The following PLEKHA5 variants were observed in gnomAD, a reference collection of about 807,000 sequenced individuals.
PLEKHA5 encodes the protein pleckstrin homology domain-containing family A member 5.
In PLEKHA5, 55 loss-of-function variants were observed where a neutral mutation model predicts 181.9. The ratio of observed to expected loss-of-function variants is 0.30; its 90% CI spans 0.24 to 0.38. The LOEUF is 0.38. PLEKHA5 is among the 10% of genes least tolerant of loss of function. PLEKHA5 has a pLI of 1.00. For missense variants in PLEKHA5, 1,432 were observed against 1,549.5 expected (o/e 0.92, Z 1.27); for synonymous variants, 535 against 529.4 (o/e 1.01, Z -0.15).
chr12:19,211,272 C>T (rs1565471258), intron 3 of PLEKHA5, among the ~76,000 whole-genome samples: 3 of 152,080 alleles, frequency 2.0e-5, no homozygotes, highest in Admixed American at 6.5e-5. Flanking sequence ...GATCCCAGAA[C>T]CTGTGAAGGC....
chr12:19,323,992 T>C (rs1350609463), intron 20 of PLEKHA5, among the ~76,000 whole-genome samples: 1 of 152,172 alleles, frequency 6.6e-6, no homozygotes, highest in Non-Finnish European at 1.5e-5. Flanking sequence ...GTCATCTCTA[T>C]AAACATAGTA....
At chr12:19,222,752 G>A (rs1393559625) in intron 3 of PLEKHA5, among the ~76,000 whole-genome samples, 1 of 152,036 alleles carries the variant, frequency 6.6e-6, no homozygotes, top group Non-Finnish European at 1.5e-5. Context: ...TTGAGAGCTG[G>A]GCAGATGCTG....
intron 31 of PLEKHA5, chr12:19,371,225 T>G (rs1351892328): frequency 6.6e-6 from 1 of 152,472 alleles, no homozygotes; most frequent in Non-Finnish European, 1.5e-5. Flanking sequence ...CAGGCTGATC[T>G]CAAGCTCCTG....
At chr12:19,340,004 A>G (rs1185901809) in intron 21 of PLEKHA5, among the ~76,000 whole-genome samples, 2 of 152,166 alleles carry the variant, frequency 1.3e-5, no homozygotes, top group African/African-American at 2.4e-5. Flanking sequence ...GTTTAGCAGC[A>G]GGCCATGAAT....
chr12:19,143,509 CAGAG>C (rs1213378567), intron 3 of PLEKHA5, among the ~76,000 whole-genome samples: 1 of 151,960 alleles, frequency 6.6e-6, no homozygotes, highest in Non-Finnish European at 1.5e-5. Context: ...TCCTGTTGTG[CAGAG>C]AGAATTTCTA....
intron 3 of PLEKHA5, among the ~76,000 whole-genome samples, chr12:19,185,088 A>G (rs146534932): frequency 6.6e-6 from 1 of 151,460 alleles, no homozygotes; most frequent in Non-Finnish European, 1.5e-5. Flanking sequence ...CTTCTTCTCT[A>G]TACCTTTTTT....
At chr12:19,150,996 T>TA (rs1175908947) in intron 3 of PLEKHA5, 2 of 152,248 alleles carry the variant, frequency 1.3e-5, no homozygotes, top group Admixed American at 1.3e-4. Flanking sequence ...TAAACATGTA[T>TA]ACTGCAAGGT....
intron 3 of PLEKHA5, among the ~76,000 whole-genome samples, chr12:19,217,214 A>G (rs1327271992): frequency 2.6e-5 from 4 of 152,198 alleles, no homozygotes; most frequent in African/African-American, 4.8e-5. Context: ...TGTGCTCCAT[A>G]AACACCTACT....
At chr12:19,296,498 A>G (rs1380206221) in intron 15 of PLEKHA5, among the ~76,000 whole-genome samples, 1 of 151,978 alleles carries the variant, frequency 6.6e-6, no homozygotes, top group Non-Finnish European at 1.5e-5. Context: ...CAGTGAGCCA[A>G]GATCATGCCC....
chr12:19,353,742 A>G, intron 25 of PLEKHA5, 142 bp from the exon 26 acceptor site: 2 of 570,592 alleles, frequency 3.5e-6, no homozygotes, highest in East Asian at 6.2e-5. Context: ...TACAGGCGTG[A>G]GCCACCGCGC....
At chr12:19,181,323 CT>C (rs2048520211) in intron 3 of PLEKHA5, among the ~76,000 whole-genome samples, 1 of 152,116 alleles carries the variant, frequency 6.6e-6, no homozygotes, top group South Asian at 2.1e-4. Flanking sequence ...AATGTGTTAT[CT>C]TTTAAAGTTT....
intron 3 of PLEKHA5, among the ~76,000 whole-genome samples, chr12:19,164,207 T>G (rs920607941): frequency 1.3e-4 from 19 of 147,608 alleles, no homozygotes; most frequent in African/African-American, 4.2e-4. Flanking sequence ...GTTTTTTTTT[T>G]TTTTTTTTTG....
intron 3 of PLEKHA5, among the ~76,000 whole-genome samples, chr12:19,184,133 T>A (rs993586287): frequency 3.3e-5 from 5 of 152,236 alleles, no homozygotes; most frequent in Non-Finnish European, 1.5e-5. Context: ...CTATTATTAT[T>A]ATTTTAAAAG....
chr12:19,264,629 T>G (rs1473160718), intron 7 of PLEKHA5, among the ~76,000 whole-genome samples: 1 of 152,146 alleles, frequency 6.6e-6, no homozygotes, highest in Non-Finnish European at 1.5e-5. Flanking sequence ...GAGCACAGAA[T>G]AGTAAAAACA....
chr12:19,355,344 CTTTTTTTTTTT>C (rs756942658), intron 26 of PLEKHA5, among the ~76,000 whole-genome samples: 1 of 94,020 alleles, frequency 1.1e-5, no homozygotes, highest in Non-Finnish European at 2.2e-5. Flanking sequence ...TATGGCTAGT[CTTTTTTTTTTT>C]TTTTTTTTTT....
chr12:19,372,120 C>G (rs904176443), intron 31 of PLEKHA5: 3 of 152,306 alleles, frequency 2.0e-5, no homozygotes, highest in African/African-American at 7.2e-5. Context: ...CCTGCCTCAG[C>G]CTCCCCCGTA....
chr12:19,297,161 T>G (rs984183565), intron 15 of PLEKHA5, among the ~76,000 whole-genome samples: 1 of 152,126 alleles, frequency 6.6e-6, no homozygotes, highest in African/African-American at 2.4e-5. Flanking sequence ...GCATGCTCCC[T>G]ACTGTGGGTA....
intron 15 of PLEKHA5, among the ~76,000 whole-genome samples, chr12:19,299,403 A>C (rs778038851): frequency 2.6e-4 from 40 of 152,250 alleles, no homozygotes; most frequent in Non-Finnish European, 5.3e-4. Context: ...ATTACCATTT[A>C]GTCAGCAAAT....
intron 3 of PLEKHA5, among the ~76,000 whole-genome samples, chr12:19,240,688 C>G (rs543458183): frequency 1.3e-5 from 2 of 151,424 alleles, no homozygotes; most frequent in East Asian, 3.9e-4. Flanking sequence ...CCCAGGCTAG[C>G]CTCAAACTCC....
Sources: allele counts gnomAD v4.1 joint callset (sites outside exome capture counted in the v4.1 genomes callset), GRCh38; gene constraint gnomAD v4.1.1; transcripts MANE v1.5; gene names NCBI Gene and HGNC (gene_info 2026-07-23, HGNC 2026-07-21).